Variants in ATAD3B observed in about 807,000 individuals in gnomAD.
The protein encoded by ATAD3B is ATPase family AAA domain-containing protein 3B.
In ATAD3B, 59 loss-of-function variants were observed where a neutral mutation model predicts 70.2. That is an observed-to-expected ratio of 0.84 (90% CI 0.68 to 1.04). The LOEUF is 1.04. Ranked by LOEUF, ATAD3B falls within the 50% of genes least tolerant of loss-of-function variation. ATAD3B has a pLI of 0.00. For synonymous variants in ATAD3B, 423 were observed against 388.6 expected, an observed-to-expected ratio of 1.09 and a Z score of -1.04; for missense variants, 961 against 913.4, an observed-to-expected ratio of 1.05 and a Z score of -0.67.
chr1:1,482,099 C>T (rs1380261835), intron 5 of ATAD3B, 39 bp from the exon 6 acceptor site: 1 of 1,592,672 alleles, frequency 6.3e-7, no homozygotes, highest in African/African-American at 1.3e-5. Flanking sequence ...GGACGTGCTG[C>T]ACTGCATGGT....
At chr1:1,486,463 TC>T (rs1198291945) in intron 10 of ATAD3B, 80 bp from the exon 11 acceptor site, 1 of 1,610,390 alleles carries the variant, frequency 6.2e-7, no homozygotes, top group African/African-American at 1.4e-5. Flanking sequence ...CGGCAGGGGC[TC>T]CACACTCCAG....
chr1:1,478,367 G>A, intron 2 of ATAD3B: 1 of 1,430,066 alleles, frequency 7.0e-7, no homozygotes, highest in Non-Finnish European at 9.3e-7. Flanking sequence ...CACCTGCCTG[G>A]AGCTGCCCAG....
At chr1:1,508,894 C>T in the ATAD3B span, among the ~76,000 whole-genome samples, 3 of 151,812 alleles carry the variant, frequency 2.0e-5, no homozygotes, top group East Asian at 5.8e-4. Flanking sequence ...AGAGGGTCTG[C>T]AGTTCCCACC....
rs1314606761 is a variant in ATAD3B at position 1,477,801 on chromosome 1, G to C, written c.282+451G>C. ...GCTCACTGCAACCTCCGCCTCCCGG[G>C]TTCAAGCGATTCATCTGCCTCAGCC... On this transcript the variant is annotated intron_variant, in intron 2 of 15. Coordinates refer to ENST00000673477, the MANE Select transcript of ATAD3B (RefSeq NM_031921.6). Among the ~76,000 whole-genome samples the C allele has an allele frequency of 2.4e-4, 30 of 126,226 alleles. No homozygotes were observed. In the East Asian group the frequency reaches 7.3e-3, roughly 31 times the overall value. The allele number at this position is 126,226 out of a possible 152,430, so 82.8% of individuals were successfully genotyped here. A position where few individuals can be genotyped will look rare whatever the true frequency, so the allele number is the denominator to read the frequency against.
At chr1:1,486,007 T>C in intron 9 of ATAD3B, 103 bp from the exon 10 acceptor site, 3 of 1,595,586 alleles carry the variant, frequency 1.9e-6, no homozygotes, top group Non-Finnish European at 2.6e-6. Flanking sequence ...GCTGGGCGGC[T>C]TCCTGAGGAG....
chr1:1,507,378 A>G, the ATAD3B span, among the ~76,000 whole-genome samples: 1 of 152,156 alleles, frequency 6.6e-6, no homozygotes. Flanking sequence ...TTTTTCTCAT[A>G]AAAGGGTGTT....
At chr1:1,484,364 G>T (rs1425305139) in intron 7 of ATAD3B, 2 of 152,074 alleles carry the variant, frequency 1.3e-5, no homozygotes, top group Admixed American at 6.6e-5. Context: ...TGTATTTTTA[G>T]TAGAGAGAGG....
chr1:1,493,264 C>T (rs1369198144), intron 15 of ATAD3B, among the ~76,000 whole-genome samples: 2 of 151,880 alleles, frequency 1.3e-5, no homozygotes, highest in African/African-American at 4.8e-5. Flanking sequence ...ATATCTCTGG[C>T]CAGAGCTTCC....
At chr1:1,500,368 C>G (rs1362282971), downstream of ATAD3B, among the ~76,000 whole-genome samples, 184 of 137,412 alleles carry the variant, frequency 1.3e-3, no homozygotes, top group East Asian at 8.1e-3. Flanking sequence ...CTGGATAACA[C>G]GGTGAAACCC....
the ATAD3B span, among the ~76,000 whole-genome samples, chr1:1,505,589 C>A: frequency 6.6e-6 from 1 of 152,164 alleles, no homozygotes; most frequent in Non-Finnish European, 1.5e-5. Context: ...CGCTAGACCA[C>A]GGTCTGCTTA....
intron 2 of ATAD3B, among the ~76,000 whole-genome samples, chr1:1,477,855 G>A (rs75717217): frequency 1.8e-4 from 26 of 147,716 alleles, no homozygotes; most frequent in East Asian, 6.5e-4. Context: ...ACAGGCACGC[G>A]CCACCACGCC....
chr1:1,504,041 G>A, the ATAD3B span, among the ~76,000 whole-genome samples: 47 of 151,962 alleles, frequency 3.1e-4, 1 homozygote, highest in Admixed American at 3.1e-3. Context: ...GGGCTTGAGT[G>A]TCGTGGTGCG....
chr1:1,481,824 G>GT (rs1480165250), intron 5 of ATAD3B, among the ~76,000 whole-genome samples: 2 of 152,106 alleles, frequency 1.3e-5, no homozygotes, highest in Non-Finnish European at 2.9e-5. Flanking sequence ...ACCAAGGTCT[G>GT]TGTGTGTCTG....
rs150679247 is a variant in ATAD3B at position 1,485,073 on chromosome 1, G to A, written c.808G>A (p.Val270Ile). 3,482 of 1,608,576 alleles carry A rather than the reference G, an allele frequency of 2.2e-3. 41 individuals are homozygous for A. The African/African-American group carries it at 0.039, about 18-fold the overall frequency. The change falls in exon 8 of 16, where the codon GTC (valine) becomes ATC (isoleucine). Residue 270 changes from valine (V) to isoleucine (I), a missense_variant. This residue lies in a region of ATAD3B where 349 missense variants were observed against 307.5 expected (regional missense o/e 1.14). Transcript: ENST00000673477. ...GVYSAKNATA[V>I]TGRFIEARLG... The stretch of plus-strand genomic sequence containing the variant: ...CTACTCAGCCAAGAATGCGACAGCC[G>A]TCACTGGCCGCTTCATCGAGGCTCG...
rs1258648739 is a variant in ATAD3B at position 1,480,156 on chromosome 1, C to G, written c.445-711C>G. Reference sequence around the variant, plus strand: ...CCACTCACAGTGTGCCTCATACATACGGGCACGCACCTGCACACGAGGGCA... The same window carrying G: ...CCACTCACAGTGTGCCTCATACATAGGGGCACGCACCTGCACACGAGGGCA... On this transcript the variant is annotated intron_variant, in intron 4 of 15. Transcript: ENST00000673477. Among the ~76,000 whole-genome samples, 2 of 143,182 alleles carry G rather than the reference C, an allele frequency of 1.4e-5. 1 individual carries two copies. Among genetic ancestry groups the G allele is most frequent in the Non-Finnish European group, 3.0e-5 (2 of 65,906 alleles). 93.9% of individuals were successfully genotyped at this position (143,182 alleles called of 152,430 possible).
At chr1:1,490,823 A>G (rs1640506325) in intron 15 of ATAD3B, 152 bp downstream of exon 15, 8 of 1,460,858 alleles carry the variant, frequency 5.5e-6, no homozygotes, top group South Asian at 1.4e-5. Flanking sequence ...CCCCTGCCTC[A>G]GTCGGGCCAC....
rs776893650 is a variant in ATAD3B at position 1,495,565 on chromosome 1, C to T, written c.1695C>T (p.Tyr565=). 6.2e-7 allele frequency: 1 copy of T among 1,613,244 alleles called. No individual in the cohort carries two copies. The highest frequency in any genetic ancestry group is 1.7e-5 in the Admixed American group (1 of 59,996). The part of the protein sequence containing the change: ...DACVQDAVQQ[Y]RQKMRWLKAE... ...GTGTGCAAGATGCTGTCCAGCAGTA[C>T]CGACAGAAGATGCGCTGGCTGAAGG... Residue 565 remains tyrosine (Y), a synonymous_variant, in exon 16 of 16, where the codon TAC becomes TAT. Transcript: ENST00000673477.
downstream of ATAD3B, among the ~76,000 whole-genome samples, chr1:1,498,870 G>GGGC (rs1446300249): frequency 6.6e-6 from 1 of 151,978 alleles, no homozygotes; most frequent in Non-Finnish European, 1.5e-5. Context: ...CTATAGAAGG[G>GGGC]GGCGTCTCAT....
the ATAD3B span, among the ~76,000 whole-genome samples, chr1:1,502,873 A>G: frequency 3.3e-5 from 5 of 151,358 alleles, no homozygotes; most frequent in African/African-American, 1.2e-4. Context: ...TGGGATTTTC[A>G]TTATCCTTTG....
Sources: gnomAD v4.1 joint callset for allele counts (sites outside exome capture counted in the v4.1 genomes callset) on GRCh38, gnomAD v4.1.1 for gene constraint, gnomAD v4.1.1 regional missense constraint, MANE v1.5 for transcripts, NCBI Gene and HGNC (gene_info 2026-07-23, HGNC 2026-07-21) for gene names.